SMARCA2: variants seen among roughly 807,000 people sequenced by gnomAD.
SMARCA2 encodes SWI/SNF-related matrix-associated actin-dependent regulator of chromatin subfamily A member 2.
Under a neutral mutation model 199.8 loss-of-function variants are expected in SMARCA2, and 61 were observed. That is an observed-to-expected ratio of 0.31 (90% CI 0.25 to 0.38). The LOEUF is 0.38. Among genes scored for constraint, SMARCA2 ranks in the 10% least tolerant of loss-of-function variants. The pLI is 1.00. For synonymous variants in SMARCA2, 935 were observed against 732.0 expected (o/e 1.28, Z -4.48); for missense variants, 1,344 against 2,012.2 (o/e 0.67, Z 6.35).
At chr9:2,032,730 A>C (rs1335440164) in intron 2 of SMARCA2, 1 of 389,716 alleles carries the variant, frequency 2.6e-6, no homozygotes, top group Non-Finnish European at 4.6e-6. Context: ...ACAAACAAAC[A>C]AACAAACAAA....
intron 19 of SMARCA2, among the ~76,000 whole-genome samples, chr9:2,090,816 T>C (rs1822021998): frequency 6.6e-6 from 1 of 152,198 alleles, no homozygotes; most frequent in South Asian, 2.1e-4. Flanking sequence ...TTGATATGGC[T>C]GGGCTGATGT....
intron 5 of SMARCA2, among the ~76,000 whole-genome samples, chr9:2,050,388 T>C (rs577112742): frequency 6.6e-6 from 1 of 152,112 alleles, no homozygotes; most frequent in Admixed American, 6.5e-5. Context: ...CTAACTTCGC[T>C]TTCTTCTATT....
intron 4 of SMARCA2, chr9:2,041,339 G>C (rs933695593): frequency 2.5e-6 from 1 of 398,494 alleles, no homozygotes; most frequent in African/African-American, 2.1e-5. Context: ...AGCTCTGAAT[G>C]CTGGGAATTC....
In SMARCA2 at chr9:2,073,640, G is replaced by T; in HGVS notation, c.1935+17G>T. 1 of 1,580,652 alleles carries T rather than the reference G, an allele frequency of 6.3e-7. No homozygotes were observed. The highest frequency in any genetic ancestry group is 8.7e-7 in the Non-Finnish European group (1 of 1,150,098). ...GAGGAAGAGGTATGTATGTATCTCT[G>T]TTTGGGGTTTATTGGTTTGAAAGTT... On this transcript the variant is annotated intron_variant, in intron 12 of 33. Transcript: ENST00000349721.
chr9:2,031,973 A>T (rs1819092594), intron 2 of SMARCA2, among the ~76,000 whole-genome samples: 2 of 152,130 alleles, frequency 1.3e-5, no homozygotes, highest in Admixed American at 6.5e-5. Context: ...TTACTATTTA[A>T]CAGACTCAGT....
chr9:2,108,159 G>A (rs1426453095), intron 23 of SMARCA2, among the ~76,000 whole-genome samples: 2 of 152,166 alleles, frequency 1.3e-5, no homozygotes, highest in African/African-American at 4.8e-5. Context: ...GCCATCTCTT[G>A]GGCACTTGCG....
chr9:2,081,088 C>T (rs907094604), intron 14 of SMARCA2, among the ~76,000 whole-genome samples: 5 of 152,144 alleles, frequency 3.3e-5, no homozygotes, highest in Non-Finnish European at 7.4e-5. Flanking sequence ...ATAATTGATC[C>T]TATCATTTAA....
rs1367569533 is a variant in SMARCA2 at position 2,181,613 on chromosome 9, A to G, written c.4296A>G (p.Ser1432=). 2.5e-6 allele frequency: 4 copies of G among 1,604,754 alleles called. No individual in the cohort carries two copies. The highest frequency in any genetic ancestry group is 3.4e-6 in the Non-Finnish European group (4 of 1,171,460). The change falls in exon 30 of 34, where the codon TCA becomes TCG. Residue 1432 remains serine, a synonymous_variant. Transcript: ENST00000349721. ...QLSEVFIQLP[S]RKELPEYYEL... ...GTGAAGTCTTCATTCAGTTACCTTC[A>G]AGGAAAGAATTACCAGAATACTATG...
rs1269594842 is a variant in SMARCA2 at position 2,081,906 on chromosome 9, T to G, written c.2259T>G (p.Leu753=). The change falls in exon 15 of 34, where the codon CTT becomes CTG. Residue 753 remains leucine, a synonymous_variant. Transcript: ENST00000349721. ...LNGILADEMG[L]GKTIQTIALI... is the part of the protein sequence containing the mutation. ...GAATCTTAGCCGATGAAATGGGGCT[T>G]GGAAAGACCATACAGACCATTGCAC... 6.2e-7 allele frequency: 1 copy of G among 1,613,986 alleles called. No homozygotes were observed. Among genetic ancestry groups the G allele is most frequent in the Non-Finnish European group, 8.5e-7 (1 of 1,179,882 alleles).
At chr9:2,096,515 T>A (rs1822280289) in intron 19 of SMARCA2, 142 bp from the exon 20 acceptor site, 2 of 611,814 alleles carry the variant, frequency 3.3e-6, no homozygotes, top group South Asian at 1.9e-5. Flanking sequence ...AACACCCCCA[T>A]CTCACCCCGC....
chr9:2,193,582 G>A lies in SMARCA2; in HGVS notation c.*843G>A, dbSNP rs945711428. 1 of 152,650 alleles carries A rather than the reference G, an allele frequency of 6.6e-6. No individual in the cohort carries two copies. The highest frequency in any genetic ancestry group is 2.4e-5 in the African/African-American group (1 of 41,432). 9.5% of individuals were successfully genotyped at this position (152,650 alleles called of 1,614,324 possible). A position where few individuals can be genotyped will look rare whatever the true frequency, so the allele number is the denominator to read the frequency against. The stretch of plus-strand genomic sequence containing the variant: ...AATTCCAGTAATTTCGAAGAATGTG[G>A]TGTTGGTGCTTTCCTAATAAAGAAA... On this transcript the variant is annotated 3_prime_UTR_variant, in exon 34 of 34. Transcript: ENST00000349721.
chr9:2,124,837 C>T (rs1367720907), intron 27 of SMARCA2, among the ~76,000 whole-genome samples: 1 of 152,142 alleles, frequency 6.6e-6, no homozygotes, highest in Non-Finnish European at 1.5e-5. Context: ...CTCTACTTCC[C>T]ATTTTTGGGA....
chr9:2,059,611 A>T (rs1181997143), intron 8 of SMARCA2, among the ~76,000 whole-genome samples: 5 of 152,198 alleles, frequency 3.3e-5, no homozygotes, highest in Non-Finnish European at 4.4e-5. Context: ...CAATTAAGTG[A>T]TGGAATATAC....
At chr9:2,058,141 G>A in intron 7 of SMARCA2, 150 bp from the exon 8 acceptor site, 1 of 683,596 alleles carries the variant, frequency 1.5e-6, no homozygotes, top group Non-Finnish European at 2.6e-6. Flanking sequence ...CTTAACTGCA[G>A]AGACACCAGG....
chr9:2,050,287 C>T (rs1820058123), intron 5 of SMARCA2, among the ~76,000 whole-genome samples: 1 of 151,928 alleles, frequency 6.6e-6, no homozygotes, highest in African/African-American at 2.4e-5. Flanking sequence ...TTATTACTTC[C>T]ATAGTAAGTG....
intron 3 of SMARCA2, among the ~76,000 whole-genome samples, chr9:2,034,232 G>C (rs1459068912): frequency 9.2e-6 from 1 of 108,472 alleles, no homozygotes; most frequent in African/African-American, 3.8e-5. Flanking sequence ...GACAGAGCAA[G>C]ACTGCGTCTC....
At chr9:2,132,267 A>AT (rs1226321851) in intron 27 of SMARCA2, among the ~76,000 whole-genome samples, 1 of 152,152 alleles carries the variant, frequency 6.6e-6, no homozygotes, top group East Asian at 1.9e-4. Context: ...TGGGCTGTGG[A>AT]TTTTTCTCTG....
Position 2,182,183 on chromosome 9 carries a change from G to C in SMARCA2, c.4402G>C (p.Glu1468Gln), listed in dbSNP as rs1325936294. 6.2e-7 allele frequency: 1 copy of C among 1,613,814 alleles called. No homozygotes were observed. Among genetic ancestry groups the C allele is most frequent in the East Asian group, 2.2e-5 (1 of 44,880 alleles). ...NHKYRSLGDL[E>Q]KDVMLLCHNA... is the part of the protein sequence containing the mutation. ...TAAGTACCGGAGCCTAGGCGACCTG[G>C]AGAAGGATGTCATGCTTCTCTGTCA... The change falls in exon 31 of 34, where the codon GAG becomes CAG. Residue 1468 changes from glutamate to glutamine, a missense_variant. Physicochemically the swap from Glu to Gln is conservative, Grantham distance 29 (BLOSUM62 2). This residue lies in a region of SMARCA2 where 151 missense variants were observed against 154.0 expected (regional missense o/e 0.98). Coordinates refer to ENST00000349721, the MANE Select transcript of SMARCA2 (RefSeq NM_003070.5).
At position 2,116,085 on chromosome 9, in the gene SMARCA2, A is replaced by T. The variant is rs776969149; in HGVS notation, c.3684+36A>T. 11 of 1,481,316 alleles carry T rather than the reference A, an allele frequency of 7.4e-6. No individual in the cohort carries two copies. In the Admixed American group the frequency reaches 1.9e-4, roughly 26 times the overall value. The allele number at this position is 1,481,316 out of a possible 1,614,324, so 91.8% of individuals were successfully genotyped here. On this transcript the variant is annotated intron_variant, in intron 25 of 33. Coordinates refer to ENST00000349721, the MANE Select transcript of SMARCA2 (RefSeq NM_003070.5). The stretch of plus-strand genomic sequence containing the variant: ...AAACCCCAAGTTTATGAAATCAAAC[A>T]GTGGCCTTTTGTCTCTGAAGGACTC...
Sources: gnomAD v4.1 joint callset for allele counts (sites outside exome capture counted in the v4.1 genomes callset) on GRCh38, gnomAD v4.1.1 for gene constraint, gnomAD v4.1.1 regional missense constraint, MANE v1.5 for transcripts, NCBI Gene and HGNC (gene_info 2026-07-23, HGNC 2026-07-21) for gene names.